Variants in LTBR observed in about 807,000 individuals in gnomAD.
The protein encoded by LTBR is lymphotoxin beta receptor, also known as tumor necrosis factor receptor superfamily member 3.
Under a neutral mutation model 45.4 loss-of-function variants are expected in LTBR, and 15 were observed. That is an observed-to-expected ratio of 0.33 (90% CI 0.22 to 0.51). The LOEUF (loss-of-function observed/expected upper bound fraction) is 0.51, where lower values mean the gene tolerates loss of function less well. Among genes scored for constraint, LTBR ranks in the 20% least tolerant of loss-of-function variants. The pLI is 0.97. For synonymous variants in LTBR, 228 were observed against 231.0 expected (o/e 0.99, Z 0.12); for missense variants, 450 against 565.5 (o/e 0.80, Z 2.07).
In LTBR at chr12:6,388,850, G is replaced by C. The variant is rs1459476668; in HGVS notation, c.801+25G>C. On this transcript the variant is annotated intron_variant, in intron 8 of 9. Transcript: ENST00000228918. The surrounding 1 kb of genome is among the most constrained non-coding windows in gnomAD (Gnocchi z 4.3). The stretch of plus-strand genomic sequence containing the variant: ...GGTAATGGCGGGGGCTGAGAAGGCA[G>C]CAAGAAGGGGAAGAGGTGATGAGGG... 28 of 1,613,866 alleles carry C rather than the reference G, an allele frequency of 1.7e-5. No individual in the cohort carries two copies. Among genetic ancestry groups the C allele is most frequent in the Non-Finnish European group, 2.4e-5 (28 of 1,179,906 alleles).
chr12:6,382,952 C>T (rs41383846), upstream of LTBR, among the ~76,000 whole-genome samples: 840 of 152,286 alleles, frequency 5.5e-3, 10 homozygotes, highest in African/African-American at 0.019. Flanking sequence ...GCTGGCTCTG[C>T]GGTGGACTGG....
Position 6,384,591 on chromosome 12 carries a change from C to A in LTBR, c.100C>A (p.Pro34Thr), listed in dbSNP as rs1265219813. Residue 34 changes from proline (P) to threonine (T), a missense_variant, in exon 2 of 10, where the codon CCT (proline) becomes ACT (threonine). Coordinates refer to ENST00000228918, the MANE Select transcript of LTBR (RefSeq NM_002342.3). ...LLAASQPQAV[P>T]PYASENQTCR... The stretch of plus-strand genomic sequence containing the variant: ...TCTTCTCCATCTCCCTTTGAAGGTG[C>A]CTCCATATGCGTCGGAGAACCAGAC... 10 of 1,613,798 alleles carry A rather than the reference C, an allele frequency of 6.2e-6. No individual in the cohort carries two copies. The highest frequency in any genetic ancestry group is 8.5e-6 in the Non-Finnish European group (10 of 1,179,762).
upstream of LTBR, chr12:6,375,321 C>T: frequency 1.4e-6 from 2 of 1,442,030 alleles, no homozygotes; most frequent in Non-Finnish European, 1.8e-6. Context: ...CCCTCTCACT[C>T]TAGGCCCTCA....
chr12:6,390,293 C>G lies in LTBR; in HGVS notation c.983C>G (p.Thr328Ser). 1.2e-6 allele frequency: 2 copies of G among 1,612,802 alleles called. No individual in the cohort carries two copies. The highest frequency in any genetic ancestry group is 1.7e-6 in the Non-Finnish European group (2 of 1,179,198). The change falls in exon 9 of 10, where the codon ACC (threonine) becomes AGC (serine). Residue 328 changes from threonine (T) to serine (S), a missense_variant. Physicochemically the swap from Thr to Ser is moderately conservative, Grantham distance 58. Coordinates refer to ENST00000228918, the MANE Select transcript of LTBR (RefSeq NM_002342.3). The stretch of plus-strand genomic sequence containing the variant: ...CAACAGCAGAGTCCTCTGGACCTGA[C>G]CAGGGAGCCGCAGTTGGAACCCGGG... Reference protein sequence around the residue: ...VPQQQSPLDLTREPQLEPGEQ... With the variant: ...VPQQQSPLDLSREPQLEPGEQ...
chr12:6,378,386 C>T (rs1399421529), intron 1 of LTBR, among the ~76,000 whole-genome samples: 1 of 152,176 alleles, frequency 6.6e-6, no homozygotes, highest in East Asian at 1.9e-4. Context: ...CTCCTAGGCT[C>T]AAGCAGTCCT....
At position 6,386,942 on chromosome 12, in the gene LTBR, G is replaced by C. The variant is rs187031158; in HGVS notation, c.667+498G>C. The C allele has an allele frequency of 4.6e-5, 7 of 153,576 alleles. No individual in the cohort carries two copies. Among genetic ancestry groups the C allele is most frequent in the African/African-American group, 1.7e-4 (7 of 41,574 alleles). The allele number at this position is 153,576 out of a possible 1,614,324, so 9.5% of individuals were successfully genotyped here. A position where few individuals can be genotyped will look rare whatever the true frequency, so the allele number is the denominator to read the frequency against. On this transcript the variant is annotated intron_variant, in intron 6 of 9. Transcript: ENST00000228918. The surrounding 1 kb of genome is among the most constrained non-coding windows in gnomAD (Gnocchi z 4.1). The stretch of plus-strand genomic sequence containing the variant: ...CTAATTGGCAGAAGGTTCACTGTGT[G>C]TGTTGGGCACTCTGTAACCACTTTA...
At position 6,387,931 on chromosome 12, in the gene LTBR, C is replaced by T. The variant is rs755642646; in HGVS notation, c.668-467C>T. On this transcript the variant is annotated intron_variant, in intron 6 of 9. Coordinates refer to ENST00000228918, the MANE Select transcript of LTBR (RefSeq NM_002342.3). ...CACAGGTACAGGTACAGCAGGGCAACCCTAGCTCCTCTACAGCAGCCCCTC... is the reference window on the plus strand; with the variant it reads ...CACAGGTACAGGTACAGCAGGGCAATCCTAGCTCCTCTACAGCAGCCCCTC... 4.6e-6 allele frequency: 2 copies of T among 436,990 alleles called. 1 individual carries two copies. The highest frequency in any genetic ancestry group is 3.2e-5 in the South Asian group (2 of 62,268). The allele number at this position is 436,990 out of a possible 1,614,324, so 27.1% of individuals were successfully genotyped here. A position where few individuals can be genotyped will look rare whatever the true frequency, so the allele number is the denominator to read the frequency against.
chr12:6,386,478 C>T lies in LTBR; in HGVS notation c.667+34C>T, dbSNP rs372195928. 122 of 1,254,340 alleles carry T rather than the reference C, an allele frequency of 9.7e-5. No homozygotes were observed. The highest frequency in any genetic ancestry group is 1.7e-4 in the South Asian group (13 of 78,010). The allele number at this position is 1,254,340 out of a possible 1,614,324, so 77.7% of individuals were successfully genotyped here. A position where few individuals can be genotyped will look rare whatever the true frequency, so the allele number is the denominator to read the frequency against. On this transcript the variant is annotated intron_variant, in intron 6 of 9. Coordinates refer to ENST00000228918, the MANE Select transcript of LTBR (RefSeq NM_002342.3). This position sits in a 1 kb window ranked among gnomAD's most constrained non-coding sequence, Gnocchi z 4.1. ...CCAGGGCTGAGGGACACGGGGGGGG[C>T]GCCTCTGAAAATGCCTTAATGCTCC...
At chr12:6,384,745 C>CCGTGA in intron 2 of LTBR, 61 bp downstream of exon 2, 2 of 1,492,430 alleles carry the variant, frequency 1.3e-6, no homozygotes, top group Non-Finnish European at 1.9e-6. Context: ...GCTCCAGCCC[C>CCGTGA]CTCGCGGCCT....
At position 6,384,484 on chromosome 12, in the gene LTBR, A is replaced by T. The variant is rs531187675; in HGVS notation, c.96+30A>T. ...GGAAGGGGCCTGGTAGGAGTGGGCG[A>T]GGGTGGGCAAGAGGGATCTGGGCAG... On this transcript the variant is annotated intron_variant, in intron 1 of 9. Transcript: ENST00000228918. 5 of 1,579,700 alleles carry T rather than the reference A, an allele frequency of 3.2e-6. No homozygotes were observed. In the African/African-American group the frequency reaches 6.7e-5, roughly 21 times the overall value.
chr12:6,379,557 GATTT>G (rs1362444842), upstream of LTBR, among the ~76,000 whole-genome samples: 2 of 152,146 alleles, frequency 1.3e-5, no homozygotes, highest in African/African-American at 4.8e-5. Context: ...ATGTGGTACA[GATTT>G]CTCTTTCATT....
rs1949075473 is a variant in LTBR at position 6,388,559 on chromosome 12, A to G, written c.775+54A>G. On this transcript the variant is annotated intron_variant, in intron 7 of 9. Transcript: ENST00000228918. The surrounding 1 kb of genome is among the most constrained non-coding windows in gnomAD (Gnocchi z 4.3). ...TTGGCAATGGGAGCCGGAGGGAGGA[A>G]TATTCAACTTCCCCGGTGCAACCCT... 2.7e-6 allele frequency: 4 copies of G among 1,482,380 alleles called. No homozygotes were observed. Among genetic ancestry groups the G allele is most frequent in the Non-Finnish European group, 3.8e-6 (4 of 1,061,588 alleles). The allele number at this position is 1,482,380 out of a possible 1,614,324, so 91.8% of individuals were successfully genotyped here. A position where few individuals can be genotyped will look rare whatever the true frequency, so the allele number is the denominator to read the frequency against.
In LTBR at chr12:6,390,806, G is replaced by C. The variant is rs746463399; in HGVS notation, c.1177G>C (p.Asp393His). ...EPPYPIPEEG[D>H]PGPPGLSTPH... Reference sequence around the variant, plus strand: ...TCCATACCCCATTCCCGAAGAGGGGGACCCTGGCCCTCCCGGGCTCTCTAC... The same window carrying C: ...TCCATACCCCATTCCCGAAGAGGGGCACCCTGGCCCTCCCGGGCTCTCTAC... The change falls in exon 10 of 10, where the codon GAC (aspartate) becomes CAC (histidine). Residue 393 changes from aspartate (D) to histidine (H), a missense_variant. By Grantham distance (81) the Asp-to-His change is moderately conservative. Transcript: ENST00000228918. The C allele has an allele frequency of 6.2e-7, 1 of 1,611,230 alleles. No individual in the cohort carries two copies. Among genetic ancestry groups the C allele is most frequent in the Admixed American group, 1.7e-5 (1 of 59,902 alleles).
rs34407931 is a variant in LTBR at position 6,390,237 on chromosome 12, C to T, written c.927C>T (p.Pro309=). 576 of 1,614,022 alleles carry T rather than the reference C, an allele frequency of 3.6e-4. 2 individuals are homozygous for T. In the African/African-American group the frequency reaches 4.6e-3, roughly 13 times the overall value. The change falls in exon 9 of 10, where the codon CCC becomes CCT. Residue 309 remains proline (P), a synonymous_variant. Coordinates refer to ENST00000228918, the MANE Select transcript of LTBR (RefSeq NM_002342.3). ...TTTCCCCAGTATCCACTGGGCTCCC[C>T]GCAGCCCCAGTTTTGGAGGCAGGGG... ...GDVSPVSTGL[P]AAPVLEAGVP...
At chr12:6,379,726 C>T (rs894022738), upstream of LTBR, among the ~76,000 whole-genome samples, 2 of 151,626 alleles carry the variant, frequency 1.3e-5, no homozygotes, top group Non-Finnish European at 2.9e-5. Flanking sequence ...GTCAGGGGAT[C>T]GAGGCCATCC....
Position 6,384,447 on chromosome 12 carries a change from C to T in LTBR, c.89C>T (p.Pro30Leu). 2 of 1,554,088 alleles carry T rather than the reference C, an allele frequency of 1.3e-6. No homozygotes were observed. Among genetic ancestry groups the T allele is most frequent in the East Asian group, 2.4e-5 (1 of 41,866 alleles). ...TTCGGGCTCCTGGCAGCATCGCAGCCCCAGGCGGTGAGGAAGGGGCCTGGT... is the reference window on the plus strand; with the variant it reads ...TTCGGGCTCCTGGCAGCATCGCAGCTCCAGGCGGTGAGGAAGGGGCCTGGT... ...GLFGLLAASQ[P>L]QAVPPYASEN... Residue 30 changes from proline (P) to leucine (L), a missense_variant, in exon 1 of 10, where the codon CCC becomes CTC. Around this residue, in one of 3 missense-constraint regions of LTBR, gnomAD observed 367 missense variants for 435.4 expected, o/e 0.84. Transcript: ENST00000228918.
upstream of LTBR, chr12:6,375,208 C>A: frequency 6.9e-7 from 1 of 1,445,108 alleles, no homozygotes; most frequent in Non-Finnish European, 9.0e-7. Context: ...CACTCCCTCT[C>A]TATCTGCCTT....
upstream of LTBR, chr12:6,383,954 A>G (rs978949895): frequency 9.5e-5 from 95 of 1,004,132 alleles, 5 homozygotes; most frequent in Non-Finnish European, 4.8e-6. Flanking sequence ...CGGCTGGGCC[A>G]GGGCTGTCCG....
intron 1 of LTBR, chr12:6,377,831 T>C: frequency 2.7e-5 from 12 of 437,660 alleles, no homozygotes; most frequent in South Asian, 2.0e-4. Flanking sequence ...AAGGGCTCTG[T>C]GAGAAGAATT....
Sources: gnomAD v4.1 joint callset for allele counts (sites outside exome capture counted in the v4.1 genomes callset) on GRCh38, gnomAD v4.1.1 for gene constraint, gnomAD v4.1.1 regional missense constraint, Gnocchi (gnomAD v3.1) non-coding constraint, MANE v1.5 for transcripts, NCBI Gene and HGNC (gene_info 2026-07-23, HGNC 2026-07-21) for gene names.